The following IRAK3 variants were observed in gnomAD, a reference collection of about 807,000 sequenced individuals.
IRAK3 encodes interleukin-1 receptor-associated kinase 3.
IRAK3 carries 57 observed loss-of-function variants against 56.6 expected under a neutral mutation model. The observed-to-expected ratio is 1.01, with a 90% CI of 0.81 to 1.26. The LOEUF (loss-of-function observed/expected upper bound fraction) is 1.26, where lower values mean the gene tolerates loss of function less well. Among genes scored for constraint, IRAK3 ranks in the 50% most tolerant of loss-of-function variants. The pLI is 0.00. For missense variants in IRAK3, 703 were observed against 719.0 expected (o/e 0.98, Z 0.25); for synonymous variants, 258 against 255.7 (o/e 1.01, Z -0.09).
chr12:66,207,041 G>A (rs1393689923), intron 2 of IRAK3, among the ~76,000 whole-genome samples: 1 of 152,084 alleles, frequency 6.6e-6, no homozygotes, highest in Non-Finnish European at 1.5e-5. Flanking sequence ...TGTGAGGTCA[G>A]TATTGATGTC....
At position 66,248,767 on chromosome 12, in the gene IRAK3, C is replaced by T. The variant is rs2053063434; in HGVS notation, c.*596C>T. 1.3e-5 allele frequency: 2 copies of T among 152,840 alleles called. No individual in the cohort carries two copies. The highest frequency in any genetic ancestry group is 4.1e-4 in the South Asian group (2 of 4,872). The allele number at this position is 152,840 out of a possible 1,614,324, so 9.5% of individuals were successfully genotyped here. ...GCTCTGGGTTGAAAGGGGATTTCTTCCCAAGATCTATCCTAAACTCTTAGG... is the reference window on the plus strand; with the variant it reads ...GCTCTGGGTTGAAAGGGGATTTCTTTCCAAGATCTATCCTAAACTCTTAGG... On this transcript the variant is annotated 3_prime_UTR_variant, in exon 12 of 12. Transcript: ENST00000261233.
rs71096078 is a variant in IRAK3 at position 66,214,539 on chromosome 12, AAAAAC to A, written c.589-2606_589-2602del. Among the ~76,000 whole-genome samples the A allele has an allele frequency of 8.1e-5, 12 of 147,994 alleles. 1 individual carries two copies. The East Asian group carries it at 1.0e-3, about 12-fold the overall frequency. ...GTGGGCAACAGAGTAAGACCCTATC[AAAAAC>A]AAAACAAAACAAAACAAAACAAAAC... On this transcript the variant is annotated intron_variant, in intron 5 of 11. Coordinates refer to ENST00000261233, the MANE Select transcript of IRAK3 (RefSeq NM_007199.3).
At chr12:66,234,035 C>T (rs2052875252) in intron 8 of IRAK3, 3 of 1,605,488 alleles carry the variant, frequency 1.9e-6, no homozygotes, top group South Asian at 1.1e-5. Context: ...CCTTCACACC[C>T]TTCTTCATGT....
At chr12:66,210,712 C>G (rs986339098) in intron 4 of IRAK3, among the ~76,000 whole-genome samples, 4 of 152,018 alleles carry the variant, frequency 2.6e-5, no homozygotes, top group African/African-American at 4.8e-5. Context: ...GCTGCGTTGC[C>G]TAGTCTTTGC....
intron 6 of IRAK3, among the ~76,000 whole-genome samples, chr12:66,217,986 T>C (rs970790101): frequency 6.6e-6 from 1 of 152,122 alleles, no homozygotes; most frequent in Non-Finnish European, 1.5e-5. Flanking sequence ...TCCAAAATTG[T>C]AATAGTAAAA....
intron 6 of IRAK3, among the ~76,000 whole-genome samples, chr12:66,226,406 T>C (rs996039683): frequency 6.6e-6 from 1 of 152,046 alleles, no homozygotes; most frequent in African/African-American, 2.4e-5. Flanking sequence ...CATGCCCAGC[T>C]AATTTTTGTA....
chr12:66,214,288 C>G (rs938806221), intron 5 of IRAK3, among the ~76,000 whole-genome samples: 1 of 151,690 alleles, frequency 6.6e-6, no homozygotes, highest in Non-Finnish European at 1.5e-5. Context: ...CTTTGGGAGG[C>G]TGAGGTGGGC....
intron 4 of IRAK3, among the ~76,000 whole-genome samples, chr12:66,210,530 T>C (rs2052601626): frequency 6.6e-6 from 1 of 152,148 alleles, no homozygotes; most frequent in South Asian, 2.1e-4. Context: ...TTTATATAGT[T>C]TTAGAAATGC....
At chr12:66,215,908 G>T (rs1227229480) in intron 5 of IRAK3, among the ~76,000 whole-genome samples, 1 of 151,642 alleles carries the variant, frequency 6.6e-6, no homozygotes, top group Non-Finnish European at 1.5e-5. Context: ...TGTAACATTG[G>T]TTCATTACCA....
At chr12:66,242,143 C>T (rs2052976482) in intron 8 of IRAK3, among the ~76,000 whole-genome samples, 1 of 152,144 alleles carries the variant, frequency 6.6e-6, no homozygotes, top group Admixed American at 6.5e-5. Context: ...CATTCCCACC[C>T]TCCCCCTGTG....
chr12:66,197,496 T>C (rs767600380), intron 1 of IRAK3: 352 of 984,996 alleles, frequency 3.6e-4, no homozygotes, highest in Non-Finnish European at 4.1e-4. Flanking sequence ...TAGCAATGTT[T>C]CTATTCAGAA....
At chr12:66,233,822 CTGTT>C (rs35150438) in intron 8 of IRAK3, among the ~76,000 whole-genome samples, 2 of 144,216 alleles carry the variant, frequency 1.4e-5, no homozygotes, top group South Asian at 2.2e-4. Flanking sequence ...TGATAAAAAT[CTGTT>C]TGTTTGTTTG....
chr12:66,217,196 A>T lies in IRAK3; in HGVS notation c.614A>T (p.His205Leu), dbSNP rs755183717. 1.2e-5 allele frequency: 20 copies of T among 1,611,590 alleles called. No homozygotes were observed. In the South Asian group the frequency reaches 2.2e-4, roughly 18 times the overall value. Residue 205 changes from histidine to leucine, a missense_variant, in exon 6 of 12, where the codon CAT (histidine) becomes CTT (leucine). By Grantham distance (99) the His-to-Leu change is moderately conservative (BLOSUM62 -3). Coordinates refer to ENST00000261233, the MANE Select transcript of IRAK3 (RefSeq NM_007199.3). ...KQEKKMQCKK[H>L]WKRFLSELEV... ...GAGAAAAAAATGCAGTGTAAGAAGC[A>T]TTGGAAGAGGTTTTTATCTGAGCTT... is the stretch of plus-strand genomic sequence containing the variant.
chr12:66,204,345 C>G (rs1014690184), intron 2 of IRAK3, among the ~76,000 whole-genome samples: 9 of 152,052 alleles, frequency 5.9e-5, no homozygotes, highest in Non-Finnish European at 1.3e-4. Flanking sequence ...TTATATTGTA[C>G]CTACCTCCAG....
At chr12:66,197,530 A>G (rs924505604) in intron 1 of IRAK3, 16 of 985,106 alleles carry the variant, frequency 1.6e-5, no homozygotes, top group African/African-American at 1.4e-4. Flanking sequence ...GAGAAAAGCT[A>G]TTAAGGTTGC....
rs1385195087 is a variant in IRAK3 at position 66,252,795 on chromosome 12, C to T, written c.*4624C>T. ...TGTAACTGATAATCCCATGGTGGAC[C>T]TCACTTTGCTATTCATATGCACTAA... On this transcript the variant is annotated 3_prime_UTR_variant, in exon 12 of 12. Coordinates refer to ENST00000261233, the MANE Select transcript of IRAK3 (RefSeq NM_007199.3). 1 of 152,222 alleles carries T rather than the reference C, an allele frequency of 6.6e-6. No individual in the cohort carries two copies. Among genetic ancestry groups the T allele is most frequent in the Non-Finnish European group, 1.5e-5 (1 of 68,062 alleles). The allele number at this position is 152,222 out of a possible 1,614,324, so 9.4% of individuals were successfully genotyped here. A position where few individuals can be genotyped will look rare whatever the true frequency, so the allele number is the denominator to read the frequency against.
chr12:66,244,419 G>A, intron 8 of IRAK3, 67 bp from the exon 9 acceptor site: 3 of 1,152,046 alleles, frequency 2.6e-6, no homozygotes, highest in Non-Finnish European at 3.9e-6. Context: ...TGAGTTTATA[G>A]TATGTTTGTT....
chr12:66,236,257 T>A, intron 8 of IRAK3, among the ~76,000 whole-genome samples: 1 of 151,836 alleles, frequency 6.6e-6, no homozygotes, highest in East Asian at 1.9e-4. Context: ...CCACCAGAAA[T>A]CTGGGTTCAG....
chr12:66,244,085 A>G (rs1396928307), intron 8 of IRAK3, among the ~76,000 whole-genome samples: 1 of 152,254 alleles, frequency 6.6e-6, no homozygotes, highest in African/African-American at 2.4e-5. Flanking sequence ...AGCATTTCAC[A>G]GCACAGCTCT....
Sources: gnomAD v4.1 joint callset for allele counts (sites outside exome capture counted in the v4.1 genomes callset) on GRCh38, gnomAD v4.1.1 for gene constraint, MANE v1.5 for transcripts, NCBI Gene and HGNC (gene_info 2026-07-23, HGNC 2026-07-21) for gene names.